The following LUZP2 variants were observed in gnomAD, a reference collection of about 807,000 sequenced individuals.
The protein encoded by LUZP2 is leucine zipper protein 2.
Under a neutral mutation model 51.6 loss-of-function variants are expected in LUZP2, and 52 were observed. The ratio of observed to expected loss-of-function variants is 1.01; its 90% confidence interval spans 0.81 to 1.27. The LOEUF is 1.27. Ranked by LOEUF, LUZP2 falls within the 50% of genes most tolerant of loss-of-function variation. The probability of loss-of-function intolerance (pLI) is 0.00; values close to 1 mark genes in which losing one functional copy is unlikely to be tolerated. For missense variants in LUZP2, 436 were observed against 395.4 expected (o/e 1.10, Z -0.87); for synonymous variants, 154 against 137.3 (o/e 1.12, Z -0.85).
chr11:24,966,901 TTATA>T (rs956812825), intron 7 of LUZP2, among the ~76,000 whole-genome samples: 21 of 147,548 alleles, frequency 1.4e-4, no homozygotes, highest in African/African-American at 4.9e-4. Context: ...AATATATATA[TTATA>T]TATATATAAT....
At chr11:25,053,554 T>C (rs1332826211) in intron 10 of LUZP2, among the ~76,000 whole-genome samples, 1 of 151,740 alleles carries the variant, frequency 6.6e-6, no homozygotes, top group Non-Finnish European at 1.5e-5. Flanking sequence ...TTTTTTTTTT[T>C]TTTTTAATAC....
intron 1 of LUZP2, among the ~76,000 whole-genome samples, chr11:24,711,450 A>AAAATAAATAAAT (rs200424558): frequency 0.011 from 1,561 of 143,094 alleles, 19 homozygotes; most frequent in African/African-American, 0.022. Flanking sequence ...ACTCCATCTC[A>AAAATAAATAAAT]AAATAAATAA....
intron 1 of LUZP2, among the ~76,000 whole-genome samples, chr11:24,692,311 G>C (rs1857099055): frequency 6.6e-6 from 1 of 152,002 alleles, no homozygotes; most frequent in Admixed American, 6.6e-5. Context: ...GCCGTATCAG[G>C]TTCTACGTTC....
chr11:24,855,091 C>T (rs572459553), intron 5 of LUZP2, among the ~76,000 whole-genome samples: 1 of 152,212 alleles, frequency 6.6e-6, no homozygotes, highest in East Asian at 1.9e-4. Context: ...CTTCCGTTCT[C>T]GCCACTTTTA....
chr11:24,731,254 T>A (rs1858702228), intron 2 of LUZP2, among the ~76,000 whole-genome samples: 1 of 151,814 alleles, frequency 6.6e-6, no homozygotes, highest in Non-Finnish European at 1.5e-5. Flanking sequence ...TGATTCATAA[T>A]AGATATTTGT....
At chr11:24,907,676 T>C (rs922810114) in intron 6 of LUZP2, among the ~76,000 whole-genome samples, 2 of 152,220 alleles carry the variant, frequency 1.3e-5, no homozygotes, top group Admixed American at 6.5e-5. Context: ...ATATGATTTA[T>C]ATGTGTTCAG....
At chr11:24,805,971 G>A (rs75489834) in intron 5 of LUZP2, among the ~76,000 whole-genome samples, 5,552 of 152,252 alleles carry the variant, frequency 0.036, 308 homozygotes, top group African/African-American at 0.12. Context: ...AGAAAAGTGT[G>A]TCTTGGCAGA....
intron 1 of LUZP2, among the ~76,000 whole-genome samples, chr11:24,668,755 T>A (rs1472758754): frequency 6.6e-6 from 1 of 152,168 alleles, no homozygotes; most frequent in Non-Finnish European, 1.5e-5. Context: ...TTATAAATAG[T>A]TTAATCCTGA....
In LUZP2 at chr11:24,497,181, G is replaced by C; in HGVS notation, c.-63G>C. ...GGGACAGAGCCGGGCACCAAGGAGCGACAGGATCCCGAAGAGAGAGAGAGA... is the reference window on the plus strand; with the variant it reads ...GGGACAGAGCCGGGCACCAAGGAGCCACAGGATCCCGAAGAGAGAGAGAGA... On this transcript the variant is annotated 5_prime_UTR_variant, in exon 1 of 12. Transcript: ENST00000336930. 2 of 1,445,400 alleles carry C rather than the reference G, an allele frequency of 1.4e-6. No individual in the cohort carries two copies. The highest frequency in any genetic ancestry group is 1.9e-6 in the Non-Finnish European group (2 of 1,073,544). 89.5% of individuals were successfully genotyped at this position (1,445,400 alleles called of 1,614,324 possible).
At chr11:24,763,430 C>G in intron 5 of LUZP2, 122 bp downstream of exon 5, 1 of 397,156 alleles carries the variant, frequency 2.5e-6, no homozygotes, top group South Asian at 9.1e-5. Context: ...CAGTTATAAA[C>G]TAATGTAGAG....
At chr11:24,549,496 C>T (rs1267973317) in intron 1 of LUZP2, among the ~76,000 whole-genome samples, 1 of 152,030 alleles carries the variant, frequency 6.6e-6, no homozygotes, top group Non-Finnish European at 1.5e-5. Context: ...TATAATATAG[C>T]AAATACATAA....
chr11:24,777,913 A>G (rs1308858488), intron 5 of LUZP2, among the ~76,000 whole-genome samples: 1 of 106,052 alleles, frequency 9.4e-6, no homozygotes, highest in Non-Finnish European at 2.3e-5. Flanking sequence ...TAAAGTTACA[A>G]GAAAAAAGTC....
At chr11:24,748,353 T>C (rs1859453927) in intron 4 of LUZP2, among the ~76,000 whole-genome samples, 1 of 152,106 alleles carries the variant, frequency 6.6e-6, no homozygotes. Flanking sequence ...GAGCCGAGGG[T>C]CTCCCTTTCC....
intron 4 of LUZP2, among the ~76,000 whole-genome samples, chr11:24,751,130 C>A (rs1859567932): frequency 6.6e-6 from 1 of 151,954 alleles, no homozygotes; most frequent in Non-Finnish European, 1.5e-5. Context: ...TTGTTACTAC[C>A]AAGATGAGAA....
At chr11:24,992,179 A>C (rs1169601105) in intron 9 of LUZP2, among the ~76,000 whole-genome samples, 6 of 152,122 alleles carry the variant, frequency 3.9e-5, no homozygotes, top group Admixed American at 3.3e-4. Flanking sequence ...AAATACATAC[A>C]TTGGCAAGTT....
chr11:25,004,758 CAA>C (rs1255314192), intron 9 of LUZP2, among the ~76,000 whole-genome samples: 2 of 152,146 alleles, frequency 1.3e-5, no homozygotes, highest in Admixed American at 1.3e-4. Flanking sequence ...CAGAAGTTTA[CAA>C]CTCCAGTCCC....
chr11:24,675,522 G>T (rs758310415), intron 1 of LUZP2, among the ~76,000 whole-genome samples: 14 of 152,052 alleles, frequency 9.2e-5, no homozygotes, highest in Non-Finnish European at 1.9e-4. Context: ...TTTCAAAATA[G>T]AACTGTCATG....
intron 1 of LUZP2, among the ~76,000 whole-genome samples, chr11:24,610,977 T>A (rs1274464761): frequency 6.6e-6 from 1 of 152,218 alleles, no homozygotes; most frequent in Non-Finnish European, 1.5e-5. Context: ...CTTTTTAATA[T>A]GATTAAACCA....
At chr11:24,499,559 C>G (rs911151737) in intron 1 of LUZP2, among the ~76,000 whole-genome samples, 2 of 152,168 alleles carry the variant, frequency 1.3e-5, no homozygotes, top group Non-Finnish European at 2.9e-5. Context: ...AGTGGGTTTT[C>G]TGGCCAAAGA....
Sources: allele counts gnomAD v4.1 joint callset (sites outside exome capture counted in the v4.1 genomes callset), GRCh38; gene constraint gnomAD v4.1.1; transcripts MANE v1.5; gene names NCBI Gene and HGNC (gene_info 2026-07-23, HGNC 2026-07-21).